The following NDRG1 variants were observed in gnomAD, a reference collection of about 807,000 sequenced individuals.
The protein encoded by NDRG1 is N-myc downstream regulated 1.
A neutral mutation model predicts 56.9 loss-of-function variants in NDRG1; 32 were observed. The observed-to-expected ratio is 0.56, with a 90% CI of 0.42 to 0.76. The LOEUF (loss-of-function observed/expected upper bound fraction) is 0.76. NDRG1 is among the 30% of genes least tolerant of loss of function. NDRG1 has a pLI of 0.00. For synonymous variants in NDRG1, 211 were observed against 204.1 expected, an observed-to-expected ratio of 1.03 and a Z score of -0.29; for missense variants, 507 against 545.7, an observed-to-expected ratio of 0.93 and a Z score of 0.71.
At chr8:133,260,836 G>A (rs1335714682) in intron 5 of NDRG1, among the ~76,000 whole-genome samples, 7 of 152,170 alleles carry the variant, frequency 4.6e-5, no homozygotes, top group African/African-American at 1.2e-4. Context: ...CCAAGAACCT[G>A]CTCCTGCCCT....
At chr8:133,284,817 G>A in intron 1 of NDRG1, 1 of 457,000 alleles carries the variant, frequency 2.2e-6, no homozygotes, top group Middle Eastern at 3.2e-4. Context: ...GGTTGGTGAT[G>A]CAGACGCACA....
intron 9 of NDRG1, among the ~76,000 whole-genome samples, chr8:133,251,900 A>G (rs988665181): frequency 2.0e-5 from 3 of 152,188 alleles, no homozygotes; most frequent in African/African-American, 7.2e-5. Context: ...TAAAACAGAC[A>G]CAGAGGAGAA....
intron 1 of NDRG1, among the ~76,000 whole-genome samples, chr8:133,287,765 C>T (rs1030798684): frequency 1.3e-5 from 2 of 152,230 alleles, no homozygotes; most frequent in Non-Finnish European, 2.9e-5. Flanking sequence ...ACCACATGCC[C>T]ACAGCATACA....
chr8:133,254,298 T>C (rs1022198291), intron 9 of NDRG1, among the ~76,000 whole-genome samples: 14 of 152,314 alleles, frequency 9.2e-5, no homozygotes, highest in African/African-American at 3.4e-4. Context: ...ATTGTACACT[T>C]TAAATATGTG....
chr8:133,296,080 C>CA (rs963893562), intron 1 of NDRG1, among the ~76,000 whole-genome samples: 76 of 152,280 alleles, frequency 5.0e-4, no homozygotes, highest in African/African-American at 1.8e-3. Flanking sequence ...ACTAATTTGA[C>CA]AGAGGCGTGA....
At chr8:133,255,594 A>T in intron 8 of NDRG1, 1 of 344,270 alleles carries the variant, frequency 2.9e-6, no homozygotes. Flanking sequence ...TGGAAAATCA[A>T]ATAAAAAACA....
chr8:133,238,833 C>A lies in NDRG1; in HGVS notation c.*45G>T. On this transcript the variant is annotated 3_prime_UTR_variant, in exon 16 of 16. Transcript: ENST00000323851. Reference sequence around the variant, plus strand: ...CGAAAAGGGGCCGGGGAGGAGGGGGCCACTACAGAGATCAGAGTCCGGGGG... The same window carrying A: ...CGAAAAGGGGCCGGGGAGGAGGGGGACACTACAGAGATCAGAGTCCGGGGG... 1 of 1,534,728 alleles carries A rather than the reference C, an allele frequency of 6.5e-7. No individual in the cohort carries two copies. Among genetic ancestry groups the A allele is most frequent in the Non-Finnish European group, 8.7e-7 (1 of 1,144,264 alleles).
chr8:133,251,727 G>A (rs1456811271), intron 9 of NDRG1, among the ~76,000 whole-genome samples: 1 of 152,162 alleles, frequency 6.6e-6, no homozygotes, highest in African/African-American at 2.4e-5. Context: ...CAAAAGATAT[G>A]TCCATGTCAA....
chr8:133,294,030 G>C (rs762910751), intron 1 of NDRG1, among the ~76,000 whole-genome samples: 2 of 152,172 alleles, frequency 1.3e-5, no homozygotes, highest in Non-Finnish European at 2.9e-5. Flanking sequence ...CATGCTCAGT[G>C]CTGTTCTCAG....
At chr8:133,263,402 G>A (rs1856754598) in intron 4 of NDRG1, among the ~76,000 whole-genome samples, 1 of 152,062 alleles carries the variant, frequency 6.6e-6, no homozygotes, top group African/African-American at 2.4e-5. Flanking sequence ...TAAAAATTAC[G>A]GGACCAGTGA....
At chr8:133,281,487 G>A (rs763404153) in intron 2 of NDRG1, among the ~76,000 whole-genome samples, 3 of 152,128 alleles carry the variant, frequency 2.0e-5, no homozygotes, top group African/African-American at 2.4e-5. Context: ...AGTGTGACTC[G>A]GAGGACCAAC....
chr8:133,273,751 G>T (rs1857312565), intron 3 of NDRG1, among the ~76,000 whole-genome samples: 1 of 152,186 alleles, frequency 6.6e-6, no homozygotes, highest in Admixed American at 6.5e-5. Flanking sequence ...CCTTAGCAGG[G>T]AAGCCCTGAG....
intron 4 of NDRG1, 25 bp from the exon 5 acceptor site, chr8:133,262,192 A>C: frequency 6.2e-7 from 1 of 1,613,906 alleles, no homozygotes; most frequent in Non-Finnish European, 8.5e-7. Flanking sequence ...TGAGGGAGAG[A>C]AGAGAAAAAA....
chr8:133,282,645 G>A (rs1297304934), intron 2 of NDRG1, among the ~76,000 whole-genome samples: 1 of 152,160 alleles, frequency 6.6e-6, no homozygotes, highest in Non-Finnish European at 1.5e-5. Context: ...ATACAGTAGG[G>A]GTTGGCACAC....
intron 3 of NDRG1, among the ~76,000 whole-genome samples, chr8:133,273,981 G>C (rs1361131162): frequency 6.6e-6 from 1 of 152,136 alleles, no homozygotes; most frequent in Non-Finnish European, 1.5e-5. Context: ...AGATCAGACC[G>C]TGTCCTTCCT....
rs113301835 is a variant in NDRG1, at chr8:133,296,487, C to T, written c.-19+647G>A. The T allele has an allele frequency of 1.1e-4, 48 of 456,252 alleles. 1 individual carries two copies. Among genetic ancestry groups the T allele is most frequent in the African/African-American group, 7.2e-4 (36 of 50,154 alleles). 28.3% of individuals were successfully genotyped at this position (456,252 alleles called of 1,614,324 possible). A position where few individuals can be genotyped will look rare whatever the true frequency, so the allele number is the denominator to read the frequency against. The stretch of plus-strand genomic sequence containing the variant: ...ACACACCCTGGACCCTCCCCCCACA[C>T]ACACGCTTACACTCACACATGCACA... On this transcript the variant is annotated intron_variant, in intron 1 of 15. Coordinates refer to ENST00000323851, the MANE Select transcript of NDRG1 (RefSeq NM_006096.4).
At chr8:133,296,349 C>G in intron 1 of NDRG1, 1 of 399,242 alleles carries the variant, frequency 2.5e-6, no homozygotes, top group Non-Finnish European at 5.1e-6. Context: ...AGACCCCTCT[C>G]GCCCAGGTCA....
At chr8:133,262,305 G>T in intron 4 of NDRG1, 138 bp from the exon 5 acceptor site, 1 of 1,193,742 alleles carries the variant, frequency 8.4e-7, no homozygotes, top group Non-Finnish European at 1.2e-6. Flanking sequence ...ACAGATGTTG[G>T]CGTTTTTTGT....
At chr8:133,261,982 A>AAAAG in intron 5 of NDRG1, 65 bp downstream of exon 5, 1 of 1,528,590 alleles carries the variant, frequency 6.5e-7, no homozygotes, top group Non-Finnish European at 8.8e-7. Flanking sequence ...AGAGCAAAGC[A>AAAAG]CCTGAACCCC....
Sources: allele counts gnomAD v4.1 joint callset (sites outside exome capture counted in the v4.1 genomes callset), GRCh38; gene constraint gnomAD v4.1.1; transcripts MANE v1.5; gene names NCBI Gene and HGNC (gene_info 2026-07-23, HGNC 2026-07-21).